EVC: variants seen among roughly 807,000 people sequenced by gnomAD.
EVC encodes EvC ciliary complex subunit 1, also known as evC complex member EVC.
EVC carries 116 observed loss-of-function variants against 118.9 expected under a neutral mutation model. That is an observed-to-expected ratio of 0.98 (90% confidence interval 0.84 to 1.14). The LOEUF (loss-of-function observed/expected upper bound fraction) is 1.14, where lower values mean the gene tolerates loss of function less well. Ranked by LOEUF, EVC falls within the 50% of genes most tolerant of loss-of-function variation. EVC has a pLI of 0.00. For missense variants in EVC, 1,401 were observed against 1,246.4 expected (o/e 1.12, Z -1.87); for synonymous variants, 619 against 534.7 (o/e 1.16, Z -2.18).
chr4:5,753,455 C>T (rs1345731585), intron 9 of EVC, among the ~76,000 whole-genome samples: 2 of 152,164 alleles, frequency 1.3e-5, no homozygotes, highest in East Asian at 3.9e-4. Context: ...TGGCCCTGCT[C>T]AGCGGCAGAG....
chr4:5,793,950 G>C (rs1713277291), intron 13 of EVC, among the ~76,000 whole-genome samples: 1 of 151,970 alleles, frequency 6.6e-6, no homozygotes. Flanking sequence ...TTCAGGTATA[G>C]TTTACATACA....
chr4:5,815,863 G>A (rs1251669083), downstream of EVC, among the ~76,000 whole-genome samples: 1 of 152,164 alleles, frequency 6.6e-6, no homozygotes, highest in African/African-American at 2.4e-5. Context: ...GTCACCTGGT[G>A]GAAGGAAGGG....
At position 5,754,421 on chromosome 4, in the gene EVC, C is replaced by G. The variant is rs1730866326; in HGVS notation, c.1464+488C>G. On this transcript the variant is annotated intron_variant, in intron 10 of 20. Coordinates refer to ENST00000264956, the MANE Select transcript of EVC (RefSeq NM_153717.3). The surrounding 1 kb of genome is among the most constrained non-coding windows in gnomAD (Gnocchi z 5.8). ...GGAGGTGGCCAAGGTCAGAGGTACC[C>G]TTGGTCTTGCCTGAGAAGGGGACAA... 6.6e-6 allele frequency among the ~76,000 whole-genome samples: 1 copy of G among 152,108 alleles called. No individual in the cohort carries two copies. Among genetic ancestry groups the G allele is most frequent in the African/African-American group, 2.4e-5 (1 of 41,426 alleles).
intron 2 of EVC, among the ~76,000 whole-genome samples, chr4:5,726,851 T>C (rs1725938315): frequency 1.3e-5 from 2 of 151,442 alleles, no homozygotes; most frequent in African/African-American, 4.8e-5. Context: ...GATAGTTTAC[T>C]GAGAATGATG....
Position 5,743,382 on chromosome 4 carries a change from C to T in EVC, c.801+1568C>T, listed in dbSNP as rs1462111928. Among the ~76,000 whole-genome samples, 2 of 152,196 alleles carry T rather than the reference C, an allele frequency of 1.3e-5. No individual in the cohort carries two copies. Among genetic ancestry groups the T allele is most frequent in the Non-Finnish European group, 2.9e-5 (2 of 68,046 alleles). ...CTATCACCAGCCTCTTATTCATCAT[C>T]CCCTGCCATCATTTTCATTATCATC... On this transcript the variant is annotated intron_variant, in intron 6 of 20. Coordinates refer to ENST00000264956, the MANE Select transcript of EVC (RefSeq NM_153717.3). The surrounding 1 kb of genome is among the most constrained non-coding windows in gnomAD (Gnocchi z 4.7).
rs1450829547 is a variant in EVC, at chr4:5,711,460, TG to T, written c.81del (p.Leu28TrpfsTer88). Reference protein sequence around the residue: ...GRDALRPAPALLAPAVLLGAA... With the variant: ...GRDALRPAPAXLAPAVLLGAA... ...GACGCGCTGCGGCCGGCGCCCGCCC[TG>T]CTGGCCCCCGCCGTGCTGCTGGGCG... On this transcript the variant is annotated frameshift_variant, in exon 1 of 21. Transcript: ENST00000264956. LOFTEE classifies it high-confidence loss of function. 1 of 1,047,686 alleles carries T rather than the reference TG, an allele frequency of 9.5e-7. No individual in the cohort carries two copies. Among genetic ancestry groups the T allele is most frequent in the Non-Finnish European group, 1.1e-6 (1 of 873,454 alleles). 64.9% of individuals were successfully genotyped at this position (1,047,686 alleles called of 1,614,324 possible).
At chr4:5,799,746 C>T (rs1441740450) in intron 15 of EVC, among the ~76,000 whole-genome samples, 4 of 152,296 alleles carry the variant, frequency 2.6e-5, no homozygotes, top group African/African-American at 4.8e-5. Flanking sequence ...CTCAGTAAAA[C>T]GAGTCACTTT....
At chr4:5,824,627 T>C in the EVC span, 3 of 950,324 alleles carry the variant, frequency 3.2e-6, no homozygotes, top group South Asian at 1.5e-4. Flanking sequence ...GAGAATAGTT[T>C]GTACATTTTC....
In EVC at chr4:5,742,913, G is replaced by A. The variant is rs1042738825; in HGVS notation, c.801+1099G>A. ...AATGGTGCCACTCCTTGCGGAGCAGGGCTAACCCGTAGGCAGTGTGCCCAG... is the reference window on the plus strand; with the variant it reads ...AATGGTGCCACTCCTTGCGGAGCAGAGCTAACCCGTAGGCAGTGTGCCCAG... On this transcript the variant is annotated intron_variant, in intron 6 of 20. Coordinates refer to ENST00000264956, the MANE Select transcript of EVC (RefSeq NM_153717.3). This position sits in a 1 kb window ranked among gnomAD's most constrained non-coding sequence, Gnocchi z 5.2. Among the ~76,000 whole-genome samples the A allele has an allele frequency of 6.6e-5, 10 of 152,322 alleles. No individual in the cohort carries two copies. The highest frequency in any genetic ancestry group is 2.1e-4 in the South Asian group (1 of 4,834).
intron 12 of EVC, among the ~76,000 whole-genome samples, chr4:5,784,378 G>T (rs1294892358): frequency 6.6e-6 from 1 of 152,116 alleles, no homozygotes; most frequent in Non-Finnish European, 1.5e-5. Flanking sequence ...GTGGCTGTGA[G>T]TCTAGGAACT....
At chr4:5,797,304 G>T (rs1206408892) in intron 14 of EVC, 72 bp downstream of exon 14, 1 of 1,322,410 alleles carries the variant, frequency 7.6e-7, no homozygotes, top group Non-Finnish European at 1.1e-6. Flanking sequence ...GCTTCCAGCA[G>T]GTTTGCCAGA....
At chr4:5,826,056 A>G in the EVC span, 1 of 283,396 alleles carries the variant, frequency 3.5e-6, no homozygotes, top group Non-Finnish European at 6.6e-6. Context: ...GCATACTCAC[A>G]TATGTATACA....
chr4:5,809,299 TGTGA>T (rs1716507237), intron 18 of EVC, among the ~76,000 whole-genome samples: 2 of 152,148 alleles, frequency 1.3e-5, no homozygotes, highest in Non-Finnish European at 1.5e-5. Flanking sequence ...CGACGGCCAG[TGTGA>T]GTGAGGACCC....
chr4:5,747,693 C>T (rs1729579121), intron 7 of EVC, among the ~76,000 whole-genome samples: 1 of 152,218 alleles, frequency 6.6e-6, no homozygotes, highest in Non-Finnish European at 1.5e-5. Flanking sequence ...GGTCAGCATC[C>T]TCTCTGCCAT....
At chr4:5,779,667 C>G (rs1735282670) in intron 11 of EVC, among the ~76,000 whole-genome samples, 1 of 101,656 alleles carries the variant, frequency 9.8e-6, no homozygotes, top group Non-Finnish European at 1.9e-5. Context: ...TATAAGAATG[C>G]TTGTGATTTT....
chr4:5,817,156 T>A (rs1384815994), downstream of EVC, among the ~76,000 whole-genome samples: 1 of 152,204 alleles, frequency 6.6e-6, no homozygotes, highest in African/African-American at 2.4e-5. Context: ...AGTGTTCTTT[T>A]TTGCTATGAA....
the EVC span, chr4:5,828,028 C>G: frequency 2.0e-6 from 2 of 985,284 alleles, no homozygotes; most frequent in Non-Finnish European, 2.4e-6. Context: ...AAGGGCGGAT[C>G]TGAAGGAAGC....
the EVC span, chr4:5,821,844 C>T: frequency 1.9e-5 from 30 of 1,583,842 alleles, no homozygotes; most frequent in Middle Eastern, 2.2e-3. This position sits in a 1 kb window ranked among gnomAD's most constrained non-coding sequence, Gnocchi z 4.4. Context: ...TGTCATCTAT[C>T]TGGGCACCTG....
Position 5,746,979 on chromosome 4 carries a change from A to G in EVC, c.940-1169A>G, listed in dbSNP as rs922620273. Among the ~76,000 whole-genome samples, 1 of 152,126 alleles carries G rather than the reference A, an allele frequency of 6.6e-6. No homozygotes were observed. Among genetic ancestry groups the G allele is most frequent in the Non-Finnish European group, 1.5e-5 (1 of 68,040 alleles). On this transcript the variant is annotated intron_variant, in intron 7 of 20. Coordinates refer to ENST00000264956, the MANE Select transcript of EVC (RefSeq NM_153717.3). The surrounding 1 kb of genome is among the most constrained non-coding windows in gnomAD (Gnocchi z 5.8). ...AGTTGGCAGGTGACAGTCTGCAGTC[A>G]CGTGGCAGGTGGAAGGCAGGTCATC...
Sources: gnomAD v4.1 joint callset for allele counts (sites outside exome capture counted in the v4.1 genomes callset) on GRCh38, gnomAD v4.1.1 for gene constraint, Gnocchi (gnomAD v3.1) non-coding constraint, MANE v1.5 for transcripts, NCBI Gene and HGNC (gene_info 2026-07-23, HGNC 2026-07-21) for gene names.